AP3B1: variants seen among roughly 807,000 people sequenced by gnomAD.
The protein encoded by AP3B1 is AP-3 complex subunit beta-1.
A neutral mutation model predicts 132.5 loss-of-function variants in AP3B1; 61 were observed. The ratio of observed to expected loss-of-function variants is 0.46; its 90% CI spans 0.37 to 0.57. AP3B1 has a LOEUF of 0.57. AP3B1 is among the 20% of genes least tolerant of loss of function. The pLI, the probability that AP3B1 is intolerant of heterozygous loss-of-function variation, is 0.00. For missense variants in AP3B1, 1,120 were observed against 1,289.4 expected, an observed-to-expected ratio of 0.87 and a Z score of 2.01; for synonymous variants, 388 against 438.3, an observed-to-expected ratio of 0.89 and a Z score of 1.43.
chr5:78,087,568 T>G (rs1750316322), intron 22 of AP3B1: 1 of 985,338 alleles, frequency 1.0e-6, no homozygotes, highest in Non-Finnish European at 1.2e-6. Flanking sequence ...TTTGATCATT[T>G]TGTTAGCTTT....
chr5:78,193,770 A>ATATATATATATATATTTTTT, intron 7 of AP3B1, among the ~76,000 whole-genome samples: 7 of 67,210 alleles, frequency 1.0e-4, no homozygotes, highest in Admixed American at 1.8e-4. Context: ...ATATATATAT[A>ATATATATATATATATTTTTT]TTTTTTTTTT....
intron 23 of AP3B1, among the ~76,000 whole-genome samples, chr5:78,036,058 T>C (rs1430914174): frequency 6.6e-6 from 1 of 152,124 alleles, no homozygotes; most frequent in Non-Finnish European, 1.5e-5. Context: ...GATTTAGATC[T>C]CCCTTCATCA....
chr5:78,126,638 T>A (rs2112295660), intron 17 of AP3B1, among the ~76,000 whole-genome samples: 1 of 152,088 alleles, frequency 6.6e-6, no homozygotes, highest in South Asian at 2.1e-4. Context: ...TAATTGCTTC[T>A]CATATTTTTA....
intron 7 of AP3B1, among the ~76,000 whole-genome samples, chr5:78,198,546 C>T (rs1745162427): frequency 4.6e-5 from 7 of 152,164 alleles, no homozygotes; most frequent in Admixed American, 4.6e-4. Context: ...ACTCTCATGA[C>T]TTCCTCTAAA....
chr5:78,244,882 C>A (rs969501533), intron 2 of AP3B1, among the ~76,000 whole-genome samples: 3 of 151,930 alleles, frequency 2.0e-5, no homozygotes, highest in African/African-American at 7.3e-5. Flanking sequence ...GTAATCCCAG[C>A]TACTCAGGAG....
chr5:78,000,856 A>T (rs957645768), downstream of AP3B1: 3 of 152,222 alleles, frequency 2.0e-5, no homozygotes, highest in Non-Finnish European at 4.4e-5. Context: ...CACAAAAGAA[A>T]AAAAACCAAA....
intron 11 of AP3B1, among the ~76,000 whole-genome samples, chr5:78,174,846 T>C (rs1290174041): frequency 1.3e-5 from 2 of 152,250 alleles, no homozygotes; most frequent in African/African-American, 2.4e-5. Flanking sequence ...ATAGAGGCAG[T>C]AGGCCTTGCT....
chr5:78,114,025 A>T, intron 18 of AP3B1, 102 bp from the exon 19 acceptor site: 1 of 1,343,872 alleles, frequency 7.4e-7, no homozygotes, highest in Non-Finnish European at 1.0e-6. Context: ...CAGATGTTGA[A>T]TTTTAGTTCA....
chr5:78,106,415 G>A (rs545243377), intron 20 of AP3B1, among the ~76,000 whole-genome samples: 1 of 152,134 alleles, frequency 6.6e-6, no homozygotes, highest in South Asian at 2.1e-4. Context: ...CTGGGATCAT[G>A]CCACTGCATT....
intron 17 of AP3B1, among the ~76,000 whole-genome samples, chr5:78,124,463 C>T (rs1343615764): frequency 6.6e-6 from 1 of 152,140 alleles, no homozygotes; most frequent in African/African-American, 2.4e-5. Context: ...GTACTCTCAG[C>T]ACTTTGGGAG....
chr5:78,054,402 A>G (rs1224989534), intron 22 of AP3B1, among the ~76,000 whole-genome samples: 7 of 152,204 alleles, frequency 4.6e-5, no homozygotes, highest in Non-Finnish European at 1.0e-4. Context: ...AGGAATAGGA[A>G]GATGGAATGG....
At chr5:78,106,998 A>C (rs2112245083) in intron 20 of AP3B1, among the ~76,000 whole-genome samples, 1 of 152,348 alleles carries the variant, frequency 6.6e-6, no homozygotes, top group South Asian at 2.1e-4. Context: ...GTTTTAGCTG[A>C]AGCTATAGGA....
intron 7 of AP3B1, among the ~76,000 whole-genome samples, chr5:78,198,928 T>C (rs1036415976): frequency 6.6e-6 from 1 of 152,242 alleles, no homozygotes; most frequent in South Asian, 2.1e-4. Context: ...TCCCCAAAAT[T>C]TGTGTCTATG....
At chr5:78,221,934 T>C (rs184982085) in intron 6 of AP3B1, among the ~76,000 whole-genome samples, 26 of 152,252 alleles carry the variant, frequency 1.7e-4, no homozygotes, top group Non-Finnish European at 3.1e-4. Flanking sequence ...GCCAGCATCT[T>C]TCTTAATGCA....
At chr5:78,269,813 G>A (rs1223235520) in intron 1 of AP3B1, among the ~76,000 whole-genome samples, 1 of 152,154 alleles carries the variant, frequency 6.6e-6, no homozygotes, top group Non-Finnish European at 1.5e-5. Context: ...ATTTGACAAT[G>A]TAATTTTATG....
intron 18 of AP3B1, among the ~76,000 whole-genome samples, chr5:78,115,432 A>G (rs1171665228): frequency 6.6e-6 from 1 of 152,230 alleles, no homozygotes; most frequent in Non-Finnish European, 1.5e-5. Flanking sequence ...GAGCATCAGA[A>G]AGTGACTACA....
chr5:78,059,468 T>C (rs1040620693), intron 22 of AP3B1, among the ~76,000 whole-genome samples: 4 of 152,242 alleles, frequency 2.6e-5, no homozygotes, highest in African/African-American at 9.6e-5. Context: ...AATTCTTATG[T>C]TGTGAAACCT....
chr5:78,261,478 T>C (rs926641536), intron 2 of AP3B1, among the ~76,000 whole-genome samples: 18 of 152,210 alleles, frequency 1.2e-4, no homozygotes, highest in Middle Eastern at 3.2e-3. Flanking sequence ...TTTTGTTTTG[T>C]TTTTGAGACA....
chr5:78,100,806 G>A (rs886337600), intron 21 of AP3B1, 147 bp downstream of exon 21: 7 of 552,460 alleles, frequency 1.3e-5, no homozygotes, highest in Admixed American at 3.4e-5. Context: ...AAATACCACT[G>A]ATTTCCAAAA....
Sources: gnomAD v4.1 joint callset for allele counts (sites outside exome capture counted in the v4.1 genomes callset) on GRCh38, gnomAD v4.1.1 for gene constraint, MANE v1.5 for transcripts, NCBI Gene and HGNC (gene_info 2026-07-23, HGNC 2026-07-21) for gene names.